PDE7B: variants seen among roughly 807,000 people sequenced by gnomAD.
PDE7B encodes the protein 3',5'-cyclic-AMP phosphodiesterase 7B.
PDE7B carries 29 observed loss-of-function variants against 56.2 expected under a neutral mutation model. The ratio of observed to expected loss-of-function variants is 0.52; its 90% CI spans 0.38 to 0.70. The LOEUF is 0.70. Among genes scored for constraint, PDE7B ranks in the 30% least tolerant of loss-of-function variants. The pLI is 0.00. For synonymous variants in PDE7B, 197 were observed against 196.9 expected (o/e 1.00, Z 0.00); for missense variants, 490 against 565.0 (o/e 0.87, Z 1.35).
chr6:136,066,951 C>T (rs890170751), intron 2 of PDE7B, among the ~76,000 whole-genome samples: 2 of 151,688 alleles, frequency 1.3e-5, no homozygotes, highest in African/African-American at 4.8e-5. Flanking sequence ...GAACTCCTGG[C>T]CGCAAGTGAT....
chr6:136,016,984 T>C (rs1429430621), intron 2 of PDE7B, among the ~76,000 whole-genome samples: 8 of 152,148 alleles, frequency 5.3e-5, no homozygotes, highest in Admixed American at 3.9e-4. Flanking sequence ...GTTGCTACAG[T>C]CAATTGCCTT....
At chr6:135,933,688 AAC>A (rs1774333656) in intron 1 of PDE7B, among the ~76,000 whole-genome samples, 2 of 151,826 alleles carry the variant, frequency 1.3e-5, no homozygotes, top group Admixed American at 1.3e-4. Context: ...CTAGTTTGCT[AAC>A]TATCAGTTAA....
intron 2 of PDE7B, among the ~76,000 whole-genome samples, chr6:136,011,553 C>G (rs1404753777): frequency 6.6e-6 from 1 of 152,170 alleles, no homozygotes; most frequent in Non-Finnish European, 1.5e-5. Flanking sequence ...ATACTTGTGT[C>G]CAAATGTGGA....
In PDE7B at chr6:135,926,596, G is replaced by A. The variant is rs1169158823; in HGVS notation, c.22-20868G>A. On this transcript the variant is annotated intron_variant, in intron 1 of 12. Coordinates refer to ENST00000308191, the MANE Select transcript of PDE7B (RefSeq NM_018945.4). ...GAGCACTTTTCAAAGAGGGTCATAT[G>A]ACCTGCTTCCGGTGAAGATCAGAAA... Among the ~76,000 whole-genome samples the A allele has an allele frequency of 2.0e-5, 3 of 152,038 alleles. No homozygotes were observed. In the East Asian group the frequency reaches 5.8e-4, roughly 29 times the overall value.
chr6:135,932,849 C>T (rs1426023133), intron 1 of PDE7B, among the ~76,000 whole-genome samples: 2 of 152,132 alleles, frequency 1.3e-5, no homozygotes, highest in African/African-American at 4.8e-5. Context: ...CAAAGCTTCC[C>T]TTTGATTGGA....
chr6:136,167,361 C>G (rs745823866), intron 8 of PDE7B, among the ~76,000 whole-genome samples: 4 of 152,042 alleles, frequency 2.6e-5, no homozygotes, highest in Non-Finnish European at 2.9e-5. Flanking sequence ...TGGGGGGGAA[C>G]AGTGGGAGGT....
intron 1 of PDE7B, among the ~76,000 whole-genome samples, chr6:135,905,359 TGTG>T (rs1195213046): frequency 6.9e-6 from 1 of 145,652 alleles, no homozygotes; most frequent in African/African-American, 2.8e-5. Context: ...TGTGTGTGTG[TGTG>T]TGTGTGTGTG....
chr6:136,093,838 AG>A (rs1777430899), intron 2 of PDE7B, among the ~76,000 whole-genome samples: 1 of 152,212 alleles, frequency 6.6e-6, no homozygotes, highest in South Asian at 2.1e-4. Context: ...TGCTCTCAAC[AG>A]AGCAGCCAGT....
intron 2 of PDE7B, among the ~76,000 whole-genome samples, chr6:136,016,585 C>G (rs1475460624): frequency 6.6e-6 from 1 of 152,180 alleles, no homozygotes; most frequent in Non-Finnish European, 1.5e-5. Context: ...GGCAAAGTAA[C>G]TAGCCCAATG....
Position 135,924,126 on chromosome 6 carries a change from T to G in PDE7B, c.22-23338T>G, listed in dbSNP as rs999710594. On this transcript the variant is annotated intron_variant, in intron 1 of 12. Coordinates refer to ENST00000308191, the MANE Select transcript of PDE7B (RefSeq NM_018945.4). Reference sequence around the variant, plus strand: ...TTTGAATAAATTTTCTAGACCTGTGTTTTACAGAAAGTATTTAGAAAAAAA... The same window carrying G: ...TTTGAATAAATTTTCTAGACCTGTGGTTTACAGAAAGTATTTAGAAAAAAA... Among the ~76,000 whole-genome samples the G allele has an allele frequency of 2.4e-4, 36 of 152,214 alleles. 1 individual carries two copies. Among genetic ancestry groups the G allele is most frequent in the Admixed American group, 2.2e-3 (34 of 15,284 alleles).
intron 1 of PDE7B, among the ~76,000 whole-genome samples, chr6:135,863,516 G>A (rs1025833944): frequency 1.3e-5 from 2 of 152,060 alleles, no homozygotes; most frequent in Admixed American, 1.3e-4. Context: ...AGTCAAGTTG[G>A]CATTAAAATT....
intron 2 of PDE7B, among the ~76,000 whole-genome samples, chr6:136,104,152 C>A (rs540584366): frequency 6.6e-6 from 1 of 152,126 alleles, no homozygotes; most frequent in East Asian, 1.9e-4. Context: ...CAGGGGATGA[C>A]ATGTGATGTT....
chr6:135,886,030 G>T (rs538763131), intron 1 of PDE7B, among the ~76,000 whole-genome samples: 1 of 152,272 alleles, frequency 6.6e-6, no homozygotes, highest in Admixed American at 6.5e-5. Flanking sequence ...TTAGTTTGCT[G>T]CTAGTTTCTT....
chr6:135,893,975 G>A (rs1023607026), intron 1 of PDE7B, among the ~76,000 whole-genome samples: 3 of 152,018 alleles, frequency 2.0e-5, no homozygotes, highest in Admixed American at 1.3e-4. Flanking sequence ...AACTTGATCC[G>A]TTTATATATT....
intron 2 of PDE7B, among the ~76,000 whole-genome samples, chr6:136,053,447 CCAGT>C (rs1484475522): frequency 2.6e-5 from 4 of 151,954 alleles, no homozygotes; most frequent in Non-Finnish European, 5.9e-5. Context: ...TTTTCTTAAT[CCAGT>C]CTATCATTGC....
intron 2 of PDE7B, among the ~76,000 whole-genome samples, chr6:135,997,927 T>C (rs1775594483): frequency 6.6e-6 from 1 of 152,170 alleles, no homozygotes; most frequent in Non-Finnish European, 1.5e-5. Context: ...ATAAGGATCA[T>C]TTAGTACATT....
chr6:136,068,009 T>C (rs1048795686), intron 2 of PDE7B, among the ~76,000 whole-genome samples: 1 of 152,240 alleles, frequency 6.6e-6, no homozygotes, highest in Non-Finnish European at 1.5e-5. Context: ...AAGGAATGTT[T>C]GTGATTCATG....
chr6:136,172,447 T>C (rs574560322), intron 8 of PDE7B, among the ~76,000 whole-genome samples: 2 of 152,366 alleles, frequency 1.3e-5, no homozygotes, highest in South Asian at 2.1e-4. Context: ...CTTTGAGACA[T>C]GTCTGTTCAT....
intron 1 of PDE7B, among the ~76,000 whole-genome samples, chr6:135,908,328 G>A (rs767455284): frequency 9.9e-5 from 15 of 151,958 alleles, no homozygotes; most frequent in Non-Finnish European, 1.8e-4. Context: ...CCCAACCTCA[G>A]GTGATCCTCC....
Sources: allele counts gnomAD v4.1 joint callset (sites outside exome capture counted in the v4.1 genomes callset), GRCh38; gene constraint gnomAD v4.1.1; transcripts MANE v1.5; gene names NCBI Gene and HGNC (gene_info 2026-07-23, HGNC 2026-07-21).